SCFD2: variants seen among roughly 807,000 people sequenced by gnomAD.
SCFD2 encodes the protein sec1 family domain-containing protein 2.
In SCFD2, 54 loss-of-function variants were observed where a neutral mutation model predicts 58.9. The observed-to-expected ratio is 0.92, with a 90% CI of 0.74 to 1.15. The LOEUF is 1.15. Among genes scored for constraint, SCFD2 ranks in the 50% most tolerant of loss-of-function variants. The probability of loss-of-function intolerance (pLI) is 0.00; values close to 1 mark genes in which losing one functional copy is unlikely to be tolerated. For synonymous variants in SCFD2, 321 were observed against 335.9 expected (o/e 0.96, Z 0.49); for missense variants, 805 against 836.6 (o/e 0.96, Z 0.47).
At chr4:53,051,724 T>C (rs1035410500) in intron 5 of SCFD2, among the ~76,000 whole-genome samples, 1 of 152,188 alleles carries the variant, frequency 6.6e-6, no homozygotes, top group Non-Finnish European at 1.5e-5. Context: ...CTGTCACTCA[T>C]TGGAAGTTAA....
Position 53,335,217 on chromosome 4 carries a change from C to A in SCFD2, c.1007+17381G>T, listed in dbSNP as rs992697258. ...CTCAAAAAAAAAAAAAAAAAAACAA[C>A]AAAAAAAAAAACAACAACAACAACC... On this transcript the variant is annotated intron_variant, in intron 2 of 8. Coordinates refer to ENST00000401642, the MANE Select transcript of SCFD2 (RefSeq NM_152540.4). Among the ~76,000 whole-genome samples the A allele has an allele frequency of 4.0e-3, 463 of 114,324 alleles. 1 individual carries two copies. The highest frequency in any genetic ancestry group is 8.8e-3 in the Middle Eastern group (2 of 226). The allele number at this position is 114,324 out of a possible 152,430, so 75.0% of individuals were successfully genotyped here.
At chr4:52,874,101 G>T in intron 8 of SCFD2, 40 bp from the exon 9 acceptor site, 1 of 1,340,330 alleles carries the variant, frequency 7.5e-7, no homozygotes, top group South Asian at 1.2e-5. Context: ...AGGGAATTAG[G>T]GGGGCCAATC....
At chr4:53,314,673 A>G (rs1008519088) in intron 2 of SCFD2, among the ~76,000 whole-genome samples, 2 of 152,240 alleles carry the variant, frequency 1.3e-5, no homozygotes, top group Non-Finnish European at 2.9e-5. Flanking sequence ...ATTTAGTTTT[A>G]AAGTTACATC....
chr4:53,215,643 C>T (rs180690775), intron 4 of SCFD2, among the ~76,000 whole-genome samples: 2 of 152,204 alleles, frequency 1.3e-5, no homozygotes, highest in East Asian at 1.9e-4. Flanking sequence ...TTATTTCCTT[C>T]TCCTGCCTGA....
At chr4:53,215,550 G>A (rs1393982949) in intron 4 of SCFD2, among the ~76,000 whole-genome samples, 4 of 152,134 alleles carry the variant, frequency 2.6e-5, no homozygotes, top group Non-Finnish European at 5.9e-5. Flanking sequence ...TTTGGGCTGA[G>A]ATGATGGGGT....
At chr4:52,980,294 C>T (rs1721347146) in intron 5 of SCFD2, among the ~76,000 whole-genome samples, 1 of 152,164 alleles carries the variant, frequency 6.6e-6, no homozygotes, top group Non-Finnish European at 1.5e-5. Flanking sequence ...ATGAGGCAGG[C>T]ACTATGATTA....
chr4:53,356,436 G>T (rs2170421), intron 1 of SCFD2, among the ~76,000 whole-genome samples: 122,624 of 151,986 alleles, frequency 0.81, 49,605 homozygotes, highest in Middle Eastern at 0.85. Context: ...GACATATATA[G>T]AGAGAGAGAG....
chr4:53,075,040 T>A (rs1270832623), intron 5 of SCFD2, among the ~76,000 whole-genome samples: 1 of 152,214 alleles, frequency 6.6e-6, no homozygotes, highest in Non-Finnish European at 1.5e-5. Context: ...CTGTATCATC[T>A]ACACTGAACA....
At chr4:53,287,365 G>A (rs1200910547) in intron 3 of SCFD2, among the ~76,000 whole-genome samples, 1 of 152,094 alleles carries the variant, frequency 6.6e-6, no homozygotes. Context: ...CCAACTGTGG[G>A]GAAAAAGAGA....
In SCFD2 at chr4:52,874,077, G is replaced by A. The variant is rs1718413441; in HGVS notation, c.1963-16C>T. On this transcript the variant is annotated splice_polypyrimidine_tract_variant and intron_variant, in intron 8 of 8. Transcript: ENST00000401642. Reference sequence around the variant, plus strand: ...GCACGATTACCTAACAACAGGAGAGGGCAAACACACCGCAGGGAATTAGGG... The same window carrying A: ...GCACGATTACCTAACAACAGGAGAGAGCAAACACACCGCAGGGAATTAGGG... 6.4e-7 allele frequency: 1 copy of A among 1,571,540 alleles called. No homozygotes were observed. Among genetic ancestry groups the A allele is most frequent in the Non-Finnish European group, 8.8e-7 (1 of 1,141,334 alleles).
At chr4:53,189,618 T>C (rs1304837329) in intron 4 of SCFD2, among the ~76,000 whole-genome samples, 1 of 152,146 alleles carries the variant, frequency 6.6e-6, no homozygotes, top group Non-Finnish European at 1.5e-5. Context: ...CCCACCCTCA[T>C]GACCTCATCT....
intron 5 of SCFD2, among the ~76,000 whole-genome samples, chr4:53,088,361 G>A (rs2148864295): frequency 6.6e-6 from 1 of 152,304 alleles, no homozygotes; most frequent in South Asian, 2.1e-4. Flanking sequence ...AAGGCTTGGA[G>A]CCTAAGCCCT....
At chr4:52,904,712 T>C (rs963484181) in intron 7 of SCFD2, among the ~76,000 whole-genome samples, 29 of 152,172 alleles carry the variant, frequency 1.9e-4, no homozygotes, top group African/African-American at 6.3e-4. Flanking sequence ...AAGAATAACA[T>C]ATGAGTATAT....
At chr4:53,008,953 T>C (rs575365917) in intron 5 of SCFD2, among the ~76,000 whole-genome samples, 1 of 152,312 alleles carries the variant, frequency 6.6e-6, no homozygotes, top group East Asian at 1.9e-4. Flanking sequence ...AGATGTGTGA[T>C]CCTGACAGAA....
chr4:53,083,182 C>A (rs1724200677), intron 5 of SCFD2, among the ~76,000 whole-genome samples: 2 of 151,920 alleles, frequency 1.3e-5, no homozygotes, highest in Admixed American at 1.3e-4. Context: ...TTGCTTTGAA[C>A]AATATTTCAA....
rs191491078 is a variant in SCFD2 at position 53,135,204 on chromosome 4, A to C, written c.1561+10129T>G. 3.8e-3 allele frequency among the ~76,000 whole-genome samples: 583 copies of C among 152,340 alleles called. 2 individuals are homozygous for C. Among genetic ancestry groups the C allele is most frequent in the Non-Finnish European group, 4.6e-3 (315 of 68,036 alleles). On this transcript the variant is annotated intron_variant, in intron 5 of 8. Transcript: ENST00000401642. ...TAGATTTCTAATAATTTCTAGAGTT[A>C]GAAATTCAAAAGCATTCCTCTGTAA...
chr4:53,145,645 A>G, intron 4 of SCFD2, 63 bp from the exon 5 acceptor site: 1 of 1,427,346 alleles, frequency 7.0e-7, no homozygotes, highest in Non-Finnish European at 9.7e-7. Flanking sequence ...TATGGATTAC[A>G]TTAGTCGAAT....
intron 5 of SCFD2, among the ~76,000 whole-genome samples, chr4:52,959,750 A>G (rs958054052): frequency 4.6e-5 from 7 of 152,202 alleles, no homozygotes; most frequent in African/African-American, 1.4e-4. Context: ...ACATGGCCTT[A>G]GCTAAAATAA....
intron 5 of SCFD2, among the ~76,000 whole-genome samples, chr4:52,971,191 A>G (rs1015245079): frequency 1.3e-5 from 2 of 152,234 alleles, no homozygotes; most frequent in Admixed American, 1.3e-4. Flanking sequence ...AGCTGAGAGA[A>G]GAAGGCTTCA....
Sources: allele counts gnomAD v4.1 joint callset (sites outside exome capture counted in the v4.1 genomes callset), GRCh38; gene constraint gnomAD v4.1.1; transcripts MANE v1.5; gene names NCBI Gene and HGNC (gene_info 2026-07-23, HGNC 2026-07-21).